The following CREB5 variants were observed in gnomAD, a reference collection of about 807,000 sequenced individuals.
CREB5 encodes the protein cAMP responsive element binding protein 5, also known as cyclic AMP-responsive element-binding protein 5.
Under a neutral mutation model 57.1 loss-of-function variants are expected in CREB5, and 19 were observed. That is an observed-to-expected ratio of 0.33 (90% confidence interval 0.23 to 0.49). The LOEUF is 0.49. CREB5 is among the 20% of genes least tolerant of loss of function. CREB5 has a pLI of 0.99. For missense variants in CREB5, 579 were observed against 671.6 expected (o/e 0.86, Z 1.52); for synonymous variants, 238 against 238.3 (o/e 1.00, Z 0.01).
intron 8 of CREB5, among the ~76,000 whole-genome samples, chr7:28,805,923 C>T (rs190749822): frequency 3.9e-4 from 59 of 151,708 alleles, no homozygotes; most frequent in Middle Eastern, 3.4e-3. Context: ...AGAAGTTTAG[C>T]AAATTGTATA....
At chr7:28,358,411 G>A (rs1786389581) in intron 1 of CREB5, among the ~76,000 whole-genome samples, 1 of 152,210 alleles carries the variant, frequency 6.6e-6, no homozygotes, top group South Asian at 2.1e-4. Context: ...TGTGGCTGGA[G>A]AGACCACTGA....
At chr7:28,634,323 C>T (rs1275669108) in intron 5 of CREB5, among the ~76,000 whole-genome samples, 1 of 152,100 alleles carries the variant, frequency 6.6e-6, no homozygotes, top group Non-Finnish European at 1.5e-5. Flanking sequence ...TTAATGCATG[C>T]TCATGGATTA....
intron 5 of CREB5, among the ~76,000 whole-genome samples, chr7:28,652,510 G>C (rs948423645): frequency 6.6e-6 from 1 of 152,222 alleles, no homozygotes; most frequent in Non-Finnish European, 1.5e-5. Flanking sequence ...AGGTGGTAGA[G>C]TGGAAAGAGG....
At chr7:28,728,283 G>T (rs1803436440) in intron 7 of CREB5, among the ~76,000 whole-genome samples, 1 of 152,132 alleles carries the variant, frequency 6.6e-6, no homozygotes, top group Non-Finnish European at 1.5e-5. Context: ...GCTACAAACG[G>T]TTAATAAAAC....
intron 5 of CREB5, among the ~76,000 whole-genome samples, chr7:28,627,455 G>A (rs1798043577): frequency 6.6e-6 from 1 of 152,070 alleles, no homozygotes; most frequent in Non-Finnish European, 1.5e-5. Context: ...CTTCTGGGGT[G>A]GAGCCCAGGC....
chr7:28,323,874 A>G (rs564776571), intron 1 of CREB5, among the ~76,000 whole-genome samples: 22 of 152,314 alleles, frequency 1.4e-4, no homozygotes, highest in Middle Eastern at 3.4e-3. Flanking sequence ...AGATGGTCCC[A>G]TCTGGGAGTG....
At chr7:28,730,297 CG>C (rs1247969229) in intron 7 of CREB5, among the ~76,000 whole-genome samples, 2 of 152,046 alleles carry the variant, frequency 1.3e-5, no homozygotes, top group African/African-American at 4.8e-5. Flanking sequence ...AATCCTCCCA[CG>C]TACTAGGTGG....
chr7:28,659,452 C>T (rs1299377812), intron 5 of CREB5, among the ~76,000 whole-genome samples: 3 of 151,984 alleles, frequency 2.0e-5, no homozygotes, highest in African/African-American at 7.3e-5. Context: ...TCTCAGTATG[C>T]TGTGACAAGG....
At chr7:28,434,669 TCTGAGGTGGTTAGTTTA>T (rs1476007506) in intron 1 of CREB5, among the ~76,000 whole-genome samples, 1 of 152,212 alleles carries the variant, frequency 6.6e-6, no homozygotes, top group African/African-American at 2.4e-5. Flanking sequence ...AGTCATATAG[TCTGAGGTGGTTAGTTTA>T]CTGGTAAATA....
upstream of CREB5, chr7:28,409,855 C>T: frequency 4.4e-6 from 2 of 453,268 alleles, no homozygotes; most frequent in South Asian, 3.1e-5. The surrounding 1 kb of genome is among the most constrained non-coding windows in gnomAD (Gnocchi z 4.4). Flanking sequence ...TCCCCTGACG[C>T]GGGGACCAGT....
At position 28,819,375 on chromosome 7, in the gene CREB5, C is replaced by A; in HGVS notation, c.*96C>A. ...TTAGAATTAACTCAGACCTGGAAGA[C>A]TCCTCAGTTCTTCAAAGACTGGCTT... On this transcript the variant is annotated 3_prime_UTR_variant, in exon 11 of 11. Transcript: ENST00000357727. 1 of 1,208,330 alleles carries A rather than the reference C, an allele frequency of 8.3e-7. No individual in the cohort carries two copies. Among genetic ancestry groups the A allele is most frequent in the Non-Finnish European group, 1.1e-6 (1 of 876,968 alleles). 74.9% of individuals were successfully genotyped at this position (1,208,330 alleles called of 1,614,324 possible).
chr7:28,561,319 T>C (rs148511569), intron 4 of CREB5, among the ~76,000 whole-genome samples: 1 of 152,268 alleles, frequency 6.6e-6, no homozygotes, highest in African/African-American at 2.4e-5. Flanking sequence ...ACATAGTATA[T>C]ATACCAGTGT....
At chr7:28,656,844 TAAG>T (rs1451599094) in intron 5 of CREB5, among the ~76,000 whole-genome samples, 1 of 145,608 alleles carries the variant, frequency 6.9e-6, no homozygotes, top group South Asian at 2.1e-4. Flanking sequence ...CATTTACATC[TAAG>T]AAGATTTTTT....
intron 1 of CREB5, among the ~76,000 whole-genome samples, chr7:28,323,914 T>C (rs577201771): frequency 6.6e-6 from 1 of 152,234 alleles, no homozygotes; most frequent in Admixed American, 6.5e-5. Context: ...CATCAGGCAT[T>C]AGAGTTTCAT....
In CREB5 at chr7:28,449,801, T is replaced by C. The variant is rs1008296979; in HGVS notation, c.3+36884T>C. 3.3e-5 allele frequency among the ~76,000 whole-genome samples: 5 copies of C among 152,354 alleles called. No individual in the cohort carries two copies. In the South Asian group the frequency reaches 6.2e-4, roughly 19 times the overall value. ...TTGGTTAACTTTTTAAAAAACTTCA[T>C]TGGTTGCTTAAAATTGTTTGACCAA... On this transcript the variant is annotated intron_variant, in intron 1 of 10. Transcript: ENST00000357727.
intron 5 of CREB5, among the ~76,000 whole-genome samples, chr7:28,578,287 TGTTTACAAATCCA>T (rs752331800): frequency 6.6e-6 from 1 of 152,244 alleles, no homozygotes; most frequent in Non-Finnish European, 1.5e-5. Flanking sequence ...CAGTATTTCC[TGTTTACAAATCCA>T]GAAGCAAGAA....
At chr7:28,464,368 T>C (rs1477569897) in intron 1 of CREB5, among the ~76,000 whole-genome samples, 7 of 152,156 alleles carry the variant, frequency 4.6e-5, no homozygotes, top group Admixed American at 4.6e-4. Context: ...TAAAATAAGT[T>C]GGAAATTGTC....
At chr7:28,402,577 G>T (rs937857559) in intron 1 of CREB5, among the ~76,000 whole-genome samples, 1 of 152,180 alleles carries the variant, frequency 6.6e-6, no homozygotes, top group South Asian at 2.1e-4. Flanking sequence ...ATGGGGAAAG[G>T]ATTCCTTATT....
At chr7:28,301,265 C>T (rs940850116) in intron 1 of CREB5, among the ~76,000 whole-genome samples, 1 of 152,198 alleles carries the variant, frequency 6.6e-6, no homozygotes, top group African/African-American at 2.4e-5. Context: ...GTTTCAAGTA[C>T]ATGAGGGGAA....
Sources: allele counts gnomAD v4.1 joint callset (sites outside exome capture counted in the v4.1 genomes callset), GRCh38; gene constraint gnomAD v4.1.1; non-coding constraint Gnocchi (gnomAD v3.1); transcripts MANE v1.5; gene names NCBI Gene and HGNC (gene_info 2026-07-23, HGNC 2026-07-21).